R3HDM1: variants seen among roughly 807,000 people sequenced by gnomAD.
R3HDM1 encodes the protein R3H domain-containing protein 1.
A neutral mutation model predicts 141.1 loss-of-function variants in R3HDM1; 46 were observed. That is an observed-to-expected ratio of 0.33 (90% CI 0.26 to 0.42). The LOEUF (loss-of-function observed/expected upper bound fraction) is 0.42. Among genes scored for constraint, R3HDM1 ranks in the 10% least tolerant of loss-of-function variants. The pLI is 1.00. For synonymous variants in R3HDM1, 435 were observed against 472.9 expected (o/e 0.92, Z 1.04); for missense variants, 1,184 against 1,368.3 (o/e 0.87, Z 2.12).
chr2:135,675,391 C>A lies in R3HDM1; in HGVS notation c.2212C>A (p.Pro738Thr). The A allele has an allele frequency of 6.2e-7, 1 of 1,613,882 alleles. No individual in the cohort carries two copies. The highest frequency in any genetic ancestry group is 1.7e-5 in the Admixed American group (1 of 60,006). ...NYQGIVGVQQPQSQSLVSGQP... is the reference protein window; with the variant it reads ...NYQGIVGVQQTQSQSLVSGQP... The stretch of plus-strand genomic sequence containing the variant: ...CCAAGGAATAGTTGGAGTTCAGCAA[C>A]CCCAGAGTCAGAGCCTAGTCAGTGG... The change falls in exon 20 of 27, where the codon CCC becomes ACC. Residue 738 changes from proline to threonine, a missense_variant. Physicochemically the swap from Pro to Thr is conservative, Grantham distance 38 (BLOSUM62 -1). Coordinates refer to ENST00000683871, the MANE Select transcript of R3HDM1 (RefSeq NM_001378107.1).
In R3HDM1 at chr2:135,642,307, G is replaced by C. The variant is rs1413230809; in HGVS notation, c.1474+517G>C. Among the ~76,000 whole-genome samples, 4 of 152,040 alleles carry C rather than the reference G, an allele frequency of 2.6e-5. No homozygotes were observed. The East Asian group carries it at 7.7e-4, about 29-fold the overall frequency. On this transcript the variant is annotated intron_variant, in intron 15 of 26. Transcript: ENST00000683871. ...TATTGGTAGTAAAAAAAAAATTGGGGGGAGTCATGTATTAATATTGACAAT... is the reference window on the plus strand; with the variant it reads ...TATTGGTAGTAAAAAAAAAATTGGGCGGAGTCATGTATTAATATTGACAAT...
At chr2:135,556,845 AC>A (rs1372807109) in intron 1 of R3HDM1, among the ~76,000 whole-genome samples, 3 of 152,050 alleles carry the variant, frequency 2.0e-5, no homozygotes, top group African/African-American at 7.2e-5. Context: ...AGCAACACTT[AC>A]TAGAATTCAT....
In R3HDM1 at chr2:135,669,197, A is replaced by G. The variant is rs561210281; in HGVS notation, c.2153-6135A>G. 13 of 985,334 alleles carry G rather than the reference A, an allele frequency of 1.3e-5. No individual in the cohort carries two copies. The Admixed American group carries it at 6.1e-4, about 47-fold the overall frequency. 61.0% of individuals were successfully genotyped at this position (985,334 alleles called of 1,614,324 possible). A position where few individuals can be genotyped will look rare whatever the true frequency, so the allele number is the denominator to read the frequency against. On this transcript the variant is annotated intron_variant, in intron 19 of 26. Transcript: ENST00000683871. ...GAAATACATCAGTAGTAAACCACGC[A>G]TCTTGCGGGTAGTGGACAAACCAAG...
intron 1 of R3HDM1, among the ~76,000 whole-genome samples, chr2:135,564,205 A>G (rs1702308199): frequency 6.6e-6 from 1 of 152,218 alleles, no homozygotes; most frequent in Admixed American, 6.5e-5. Flanking sequence ...CTACCTAGAC[A>G]GTAAGTTATA....
chr2:135,604,033 A>G (rs551959629), intron 2 of R3HDM1, among the ~76,000 whole-genome samples: 1 of 152,354 alleles, frequency 6.6e-6, no homozygotes, highest in African/African-American at 2.4e-5. Context: ...ATGAAAATAT[A>G]TTGGAATCTT....
chr2:135,599,353 GA>G (rs1386540647), intron 1 of R3HDM1, among the ~76,000 whole-genome samples: 3 of 152,064 alleles, frequency 2.0e-5, no homozygotes, highest in Non-Finnish European at 4.4e-5. Flanking sequence ...CAAAGATTCT[GA>G]AAAATTCAGT....
At chr2:135,577,531 A>G (rs182072792) in intron 1 of R3HDM1, among the ~76,000 whole-genome samples, 216 of 151,984 alleles carry the variant, frequency 1.4e-3, no homozygotes, top group African/African-American at 3.1e-3. Context: ...TTGGGCCTTA[A>G]GCACATAAAA....
At chr2:135,690,738 TTTC>T (rs2072241511) in intron 21 of R3HDM1, among the ~76,000 whole-genome samples, 1 of 152,218 alleles carries the variant, frequency 6.6e-6, no homozygotes. Flanking sequence ...TGTTTCTTTT[TTTC>T]TTTTTTACCA....
intron 19 of R3HDM1, among the ~76,000 whole-genome samples, chr2:135,674,676 G>A (rs1170102592): frequency 1.3e-5 from 2 of 152,180 alleles, no homozygotes; most frequent in African/African-American, 4.8e-5. Flanking sequence ...TGTTTGCTTT[G>A]TGACCTTGAG....
chr2:135,680,042 T>C, intron 20 of R3HDM1, 131 bp from the exon 21 acceptor site: 1 of 936,358 alleles, frequency 1.1e-6, no homozygotes, highest in Non-Finnish European at 1.6e-6. Context: ...ATTGCACCAC[T>C]ACACTCCAGC....
intron 19 of R3HDM1, among the ~76,000 whole-genome samples, chr2:135,671,869 G>A (rs13339788): frequency 0.069 from 10,447 of 151,896 alleles, 714 homozygotes; most frequent in African/African-American, 0.18. Context: ...CCAGCTACTC[G>A]GCAGGCTGAG....
At chr2:135,617,139 C>A (rs185523475) in intron 5 of R3HDM1, among the ~76,000 whole-genome samples, 2 of 151,926 alleles carry the variant, frequency 1.3e-5, no homozygotes, top group African/African-American at 2.4e-5. Context: ...CTGGCTAACA[C>A]GGTGAAACCC....
At chr2:135,577,592 T>C (rs774210409) in intron 1 of R3HDM1, among the ~76,000 whole-genome samples, 1 of 151,914 alleles carries the variant, frequency 6.6e-6, no homozygotes, top group African/African-American at 2.4e-5. Flanking sequence ...TCCCAACACT[T>C]TGGGAGGCCA....
chr2:135,681,991 G>A (rs776799153), intron 21 of R3HDM1, among the ~76,000 whole-genome samples: 6 of 150,742 alleles, frequency 4.0e-5, no homozygotes, highest in Admixed American at 2.7e-4. Flanking sequence ...CGCATTTGTT[G>A]TGTGAGTTTA....
chr2:135,610,373 G>C (rs1275909364), intron 3 of R3HDM1, among the ~76,000 whole-genome samples: 1 of 152,206 alleles, frequency 6.6e-6, no homozygotes, highest in Non-Finnish European at 1.5e-5. Flanking sequence ...GCTGATTTCT[G>C]TTAAAAACTA....
intron 19 of R3HDM1, among the ~76,000 whole-genome samples, chr2:135,671,089 T>C (rs1469408562): frequency 1.3e-5 from 2 of 150,868 alleles, no homozygotes; most frequent in African/African-American, 4.9e-5. Context: ...AAATTAAAAG[T>C]AAAAATATTC....
intron 6 of R3HDM1, chr2:135,622,001 A>T: frequency 1.0e-6 from 1 of 983,906 alleles, no homozygotes; most frequent in Non-Finnish European, 1.2e-6. Flanking sequence ...CAGAGTGTTT[A>T]TTTTTTATAA....
chr2:135,617,934 G>T (rs754107704), intron 5 of R3HDM1, among the ~76,000 whole-genome samples: 7 of 152,082 alleles, frequency 4.6e-5, no homozygotes, highest in African/African-American at 1.4e-4. Context: ...AACTAAAATT[G>T]TTAAACTTTC....
intron 6 of R3HDM1, 130 bp from the exon 7 acceptor site, chr2:135,622,524 C>T: frequency 7.5e-7 from 1 of 1,335,974 alleles, no homozygotes; most frequent in Non-Finnish European, 9.6e-7. Flanking sequence ...GTAACTTTTC[C>T]TACTTTGTCG....
Sources: gnomAD v4.1 joint callset for allele counts (sites outside exome capture counted in the v4.1 genomes callset) on GRCh38, gnomAD v4.1.1 for gene constraint, MANE v1.5 for transcripts, NCBI Gene and HGNC (gene_info 2026-07-23, HGNC 2026-07-21) for gene names.